The following EYA4 variants were observed in gnomAD, a reference collection of about 807,000 sequenced individuals.
EYA4 encodes protein phosphatase EYA4.
EYA4 carries 31 observed loss-of-function variants against 87.9 expected under a neutral mutation model. The observed-to-expected ratio is 0.35, with a 90% CI of 0.27 to 0.48. The LOEUF (loss-of-function observed/expected upper bound fraction) is 0.48, where lower values mean the gene tolerates loss of function less well. EYA4 is among the 20% of genes least tolerant of loss of function. EYA4 has a pLI of 0.99. For missense variants in EYA4, 678 were observed against 761.4 expected (o/e 0.89, Z 1.29); for synonymous variants, 263 against 270.6 (o/e 0.97, Z 0.28).
chr6:133,531,090 T>C lies in EYA4; in HGVS notation c.*2285T>C, dbSNP rs1403551717. On this transcript the variant is annotated 3_prime_UTR_variant, in exon 20 of 20. Coordinates refer to ENST00000355286, the MANE Select transcript of EYA4 (RefSeq NM_004100.5). ...CATATCAAACAAGCAAGGCTTTTTA[T>C]GCTGCTAAGTCTGTGGGTGCAGAAA... The C allele has an allele frequency of 7.0e-7, 1 of 1,424,286 alleles. No homozygotes were observed. Among genetic ancestry groups the C allele is most frequent in the African/African-American group, 1.4e-5 (1 of 69,450 alleles). 88.2% of individuals were successfully genotyped at this position (1,424,286 alleles called of 1,614,324 possible). A position where few individuals can be genotyped will look rare whatever the true frequency, so the allele number is the denominator to read the frequency against.
At chr6:133,480,176 A>G (rs1364023866) in intron 11 of EYA4, among the ~76,000 whole-genome samples, 1 of 152,188 alleles carries the variant, frequency 6.6e-6, no homozygotes, top group East Asian at 1.9e-4. Flanking sequence ...ACAGGAGTCC[A>G]TGTTTTCTAG....
At chr6:133,310,021 G>T (rs1453191580) in intron 2 of EYA4, among the ~76,000 whole-genome samples, 7 of 152,174 alleles carry the variant, frequency 4.6e-5, no homozygotes, top group Admixed American at 2.6e-4. Context: ...CTCTTAATAT[G>T]AGGTTTTATG....
chr6:133,513,138 G>A, intron 16 of EYA4, 100 bp downstream of exon 16: 2 of 1,274,082 alleles, frequency 1.6e-6, no homozygotes, highest in South Asian at 2.5e-5. Flanking sequence ...AAAGAAACAA[G>A]CAAAAGCTCA....
At chr6:133,486,425 C>T (rs779458714) in intron 13 of EYA4, among the ~76,000 whole-genome samples, 27 of 152,036 alleles carry the variant, frequency 1.8e-4, no homozygotes, top group Non-Finnish European at 3.5e-4. Context: ...AGCTTCACCA[C>T]AAACCATAAC....
intron 2 of EYA4, among the ~76,000 whole-genome samples, chr6:133,320,621 T>C (rs1315269204): frequency 6.6e-6 from 1 of 152,124 alleles, no homozygotes; most frequent in Non-Finnish European, 1.5e-5. Context: ...AGCATACCCA[T>C]CACCCAAACA....
At chr6:133,308,944 T>C (rs562015316) in intron 2 of EYA4, among the ~76,000 whole-genome samples, 1 of 139,800 alleles carries the variant, frequency 7.2e-6, no homozygotes, top group African/African-American at 2.8e-5. Flanking sequence ...CAGAGAGGTA[T>C]TTTTTTGAAT....
intron 1 of EYA4, among the ~76,000 whole-genome samples, chr6:133,262,767 G>A (rs1304880395): frequency 2.0e-5 from 3 of 152,136 alleles, no homozygotes; most frequent in African/African-American, 7.2e-5. Context: ...TAAATGGACC[G>A]TTTTGCAAAG....
intron 17 of EYA4, 87 bp from the exon 18 acceptor site, chr6:133,522,969 A>T: frequency 8.5e-7 from 1 of 1,176,678 alleles, no homozygotes; most frequent in Non-Finnish European, 1.3e-6. Context: ...TTAATTAAGG[A>T]ATTTAGAGAC....
chr6:133,287,974 C>T (rs577973710), intron 2 of EYA4, among the ~76,000 whole-genome samples: 11 of 152,102 alleles, frequency 7.2e-5, no homozygotes, highest in South Asian at 6.2e-4. Flanking sequence ...ACTAAAAATA[C>T]GAAAATTAGC....
chr6:133,484,743 T>G (rs1036889709), intron 13 of EYA4, among the ~76,000 whole-genome samples: 1 of 152,204 alleles, frequency 6.6e-6, no homozygotes, highest in Non-Finnish European at 1.5e-5. Flanking sequence ...TCATATTAGG[T>G]AAGTGTTTAA....
At chr6:133,516,689 A>T (rs1799627168) in intron 17 of EYA4, among the ~76,000 whole-genome samples, 1 of 150,416 alleles carries the variant, frequency 6.6e-6, no homozygotes, top group Admixed American at 6.6e-5. Flanking sequence ...ATGCTACTGT[A>T]CTCCAGCCTG....
At chr6:133,461,545 ATTG>A (rs1329313617) in intron 7 of EYA4, among the ~76,000 whole-genome samples, 3 of 152,082 alleles carry the variant, frequency 2.0e-5, no homozygotes, top group Non-Finnish European at 4.4e-5. Context: ...AATATGCCTT[ATTG>A]TTTTTATAAC....
intron 2 of EYA4, among the ~76,000 whole-genome samples, chr6:133,290,506 G>A (rs770251206): frequency 9.9e-5 from 15 of 152,160 alleles, no homozygotes; most frequent in Non-Finnish European, 2.1e-4. Context: ...ATCTGCTAAT[G>A]TGAAGAAAAA....
intron 5 of EYA4, among the ~76,000 whole-genome samples, chr6:133,454,147 G>A (rs570441649): frequency 2.6e-5 from 4 of 152,022 alleles, no homozygotes; most frequent in Non-Finnish European, 4.4e-5. Context: ...ACCTCCATTC[G>A]CAAGTAAAAT....
intron 3 of EYA4, among the ~76,000 whole-genome samples, chr6:133,392,699 T>C (rs1161568067): frequency 1.3e-5 from 2 of 152,254 alleles, no homozygotes; most frequent in African/African-American, 2.4e-5. Flanking sequence ...AAGCCTGAAA[T>C]AATAGATTTG....
chr6:133,288,609 C>T (rs1778255465), intron 2 of EYA4, among the ~76,000 whole-genome samples: 1 of 152,046 alleles, frequency 6.6e-6, no homozygotes, highest in Admixed American at 6.6e-5. Flanking sequence ...TGGAACTTCT[C>T]CATGCTCATG....
chr6:133,424,769 C>T (rs562553527), intron 3 of EYA4, among the ~76,000 whole-genome samples: 1 of 150,970 alleles, frequency 6.6e-6, no homozygotes, highest in African/African-American at 2.5e-5. Context: ...GTTCTTGGCA[C>T]CCCTCAAGAG....
In EYA4 at chr6:133,530,011, G is replaced by A; in HGVS notation, c.*1206G>A. On this transcript the variant is annotated 3_prime_UTR_variant, in exon 20 of 20. Coordinates refer to ENST00000355286, the MANE Select transcript of EYA4 (RefSeq NM_004100.5). ...TGCACAGGGCTTAAAATAAAGCTAA[G>A]TATGTTTATTCCCAATGCCATGGCA... 1 of 985,236 alleles carries A rather than the reference G, an allele frequency of 1.0e-6. No homozygotes were observed. 61.0% of individuals were successfully genotyped at this position (985,236 alleles called of 1,614,324 possible).
intron 2 of EYA4, among the ~76,000 whole-genome samples, chr6:133,327,441 T>C (rs943371591): frequency 6.6e-6 from 1 of 152,146 alleles, no homozygotes; most frequent in Non-Finnish European, 1.5e-5. Context: ...CTTTAAAATA[T>C]TTTTTTAAGG....
Sources: allele counts gnomAD v4.1 joint callset (sites outside exome capture counted in the v4.1 genomes callset), GRCh38; gene constraint gnomAD v4.1.1; transcripts MANE v1.5; gene names NCBI Gene and HGNC (gene_info 2026-07-23, HGNC 2026-07-21).